RBM20: variants seen among roughly 807,000 people sequenced by gnomAD.
The protein encoded by RBM20 is RNA-binding protein 20.
In RBM20, 51 loss-of-function variants were observed where a neutral mutation model predicts 110.1. That is an observed-to-expected ratio of 0.46 (90% CI 0.37 to 0.59). RBM20 has a LOEUF of 0.59. RBM20 is among the 20% of genes least tolerant of loss of function. The pLI is 0.00. For synonymous variants in RBM20, 589 were observed against 618.2 expected (o/e 0.95, Z 0.70); for missense variants, 1,512 against 1,574.9 (o/e 0.96, Z 0.68).
chr10:110,785,885 G>A (rs1247196343), intron 5 of RBM20, among the ~76,000 whole-genome samples: 3 of 152,042 alleles, frequency 2.0e-5, no homozygotes, highest in Admixed American at 6.6e-5. Context: ...CCTATGAGAG[G>A]GTAATTTTGA....
At chr10:110,804,219 G>T (rs149837520) in intron 7 of RBM20, among the ~76,000 whole-genome samples, 26 of 152,344 alleles carry the variant, frequency 1.7e-4, no homozygotes, top group Middle Eastern at 3.4e-3. Flanking sequence ...GCCATGCTGT[G>T]ATTGGCTGGA....
At chr10:110,822,817 C>G (rs930229114) in intron 11 of RBM20, among the ~76,000 whole-genome samples, 7 of 152,080 alleles carry the variant, frequency 4.6e-5, no homozygotes, top group Non-Finnish European at 1.0e-4. Flanking sequence ...CTGACCTGAG[C>G]TGTTTTTTAC....
At chr10:110,820,754 TCTC>T (rs1308288840) in intron 10 of RBM20, among the ~76,000 whole-genome samples, 1 of 152,144 alleles carries the variant, frequency 6.6e-6, no homozygotes, top group Non-Finnish European at 1.5e-5. Context: ...GGGAAGCTGA[TCTC>T]CTAAATCTGT....
chr10:110,695,700 T>G (rs1305083342), intron 1 of RBM20, among the ~76,000 whole-genome samples: 2 of 152,196 alleles, frequency 1.3e-5, no homozygotes, highest in Non-Finnish European at 2.9e-5. Flanking sequence ...GAGTCATGAG[T>G]TTGAACCTGA....
chr10:110,788,180 C>G (rs765389551), intron 5 of RBM20, among the ~76,000 whole-genome samples: 4 of 152,168 alleles, frequency 2.6e-5, no homozygotes, highest in Non-Finnish European at 5.9e-5. Flanking sequence ...CTCTTCCTTG[C>G]TGTGATCCTC....
chr10:110,658,958 C>T (rs533580305), intron 1 of RBM20, among the ~76,000 whole-genome samples: 4 of 152,264 alleles, frequency 2.6e-5, no homozygotes, highest in African/African-American at 9.6e-5. Context: ...TCCGTGCTCT[C>T]CTCTTGCTTG....
At chr10:110,754,760 T>A (rs112799597) in intron 1 of RBM20, among the ~76,000 whole-genome samples, 1 of 152,366 alleles carries the variant, frequency 6.6e-6, no homozygotes, top group East Asian at 1.9e-4. Context: ...TACTTTTTCA[T>A]GTGGTTAGCA....
chr10:110,668,869 C>A (rs896156965), intron 1 of RBM20, among the ~76,000 whole-genome samples: 7 of 150,234 alleles, frequency 4.7e-5, no homozygotes, highest in African/African-American at 7.4e-5. Flanking sequence ...CCTGTGGTTA[C>A]TTTTTTAGTA....
intron 1 of RBM20, among the ~76,000 whole-genome samples, chr10:110,764,201 T>G (rs1844047931): frequency 6.6e-6 from 1 of 152,098 alleles, no homozygotes; most frequent in Non-Finnish European, 1.5e-5. Context: ...TGTAGCTGGA[T>G]TGCTAAGGTT....
rs1308421169 is a variant in RBM20 at position 110,781,124 on chromosome 10, C to T, written c.515C>T (p.Ser172Leu). Residue 172 changes from serine (S) to leucine (L), a missense_variant, in exon 2 of 14, where the codon TCA (serine) becomes TTA (leucine). Coordinates refer to ENST00000369519, the MANE Select transcript of RBM20 (RefSeq NM_001134363.3). ...TTTCCCTCTAATGCAATTGCCTTTTCACCCCCCAGCCAGACACGAGGCCCC... is the reference window on the plus strand; with the variant it reads ...TTTCCCTCTAATGCAATTGCCTTTTTACCCCCCAGCCAGACACGAGGCCCC... ...TRFPSNAIAFSPPSQTRGPGP... is the reference protein window; with the variant it reads ...TRFPSNAIAFLPPSQTRGPGP... 1 of 1,551,760 alleles carries T rather than the reference C, an allele frequency of 6.4e-7. No homozygotes were observed. The highest frequency in any genetic ancestry group is 2.4e-5 in the East Asian group (1 of 40,924).
At position 110,823,554 on chromosome 10, in the gene RBM20, C is replaced by T. The variant is rs1844944716; in HGVS notation, c.3391C>T (p.Pro1131Ser). 1 of 1,549,912 alleles carries T rather than the reference C, an allele frequency of 6.5e-7. No homozygotes were observed. The highest frequency in any genetic ancestry group is 1.2e-5 in the South Asian group (1 of 84,008). ...PEYTEVELKQ[P>S]LSLPSWEPED... Reference sequence around the variant, plus strand: ...GTACACTGAAGTGGAACTGAAACAGCCCCTTTCTTTGCCCTCTTGGGAACC... The same window carrying T: ...GTACACTGAAGTGGAACTGAAACAGTCCCTTTCTTTGCCCTCTTGGGAACC... The change falls in exon 12 of 14, where the codon CCC (proline) becomes TCC (serine). Residue 1131 changes from proline to serine, a missense_variant. Coordinates refer to ENST00000369519, the MANE Select transcript of RBM20 (RefSeq NM_001134363.3).
chr10:110,734,336 C>A (rs1344481696), intron 1 of RBM20, among the ~76,000 whole-genome samples: 2 of 152,186 alleles, frequency 1.3e-5, no homozygotes, highest in Non-Finnish European at 2.9e-5. Context: ...ATCAGGTCCA[C>A]AAATACTGCT....
At chr10:110,795,815 A>G (rs1844543599) in intron 5 of RBM20, among the ~76,000 whole-genome samples, 3 of 152,176 alleles carry the variant, frequency 2.0e-5, no homozygotes, top group Non-Finnish European at 4.4e-5. Flanking sequence ...TTTGCACAAA[A>G]CAGACAGACA....
At chr10:110,737,180 A>AAAAAAAAAAAAAAAAAAAAAC (rs1564830162) in intron 1 of RBM20, among the ~76,000 whole-genome samples, 3 of 134,632 alleles carry the variant, frequency 2.2e-5, no homozygotes, top group African/African-American at 5.6e-5. Flanking sequence ...TCTGCCTCAA[A>AAAAAAAAAAAAAAAAAAAAAC]AAAAAAAAAA....
chr10:110,808,967 C>A (rs1402123724), intron 7 of RBM20, among the ~76,000 whole-genome samples: 1 of 152,050 alleles, frequency 6.6e-6, no homozygotes. Flanking sequence ...GTAATCCCTG[C>A]ACTTTGAGAG....
chr10:110,679,996 A>G (rs1286719932), intron 1 of RBM20, among the ~76,000 whole-genome samples: 1 of 152,242 alleles, frequency 6.6e-6, no homozygotes, highest in African/African-American at 2.4e-5. Context: ...TGCTCTTCTC[A>G]TATTTTGAGA....
chr10:110,692,375 T>A (rs1026564977), intron 1 of RBM20, among the ~76,000 whole-genome samples: 1 of 152,198 alleles, frequency 6.6e-6, no homozygotes, highest in Non-Finnish European at 1.5e-5. Context: ...AGTCTACCAA[T>A]CCATGAACAT....
At chr10:110,705,357 C>T (rs1862820452) in intron 1 of RBM20, among the ~76,000 whole-genome samples, 1 of 152,208 alleles carries the variant, frequency 6.6e-6, no homozygotes, top group African/African-American at 2.4e-5. Context: ...TTTAAATATA[C>T]TACTCAGATC....
At chr10:110,664,045 T>C (rs751891868) in intron 1 of RBM20, among the ~76,000 whole-genome samples, 5 of 152,204 alleles carry the variant, frequency 3.3e-5, no homozygotes, top group Admixed American at 6.5e-5. Context: ...GAAATATTAG[T>C]AAGAACTCCT....
Sources: allele counts gnomAD v4.1 joint callset (sites outside exome capture counted in the v4.1 genomes callset), GRCh38; gene constraint gnomAD v4.1.1; transcripts MANE v1.5; gene names NCBI Gene and HGNC (gene_info 2026-07-23, HGNC 2026-07-21).